Variants in CHRNB4 observed in about 807,000 individuals in gnomAD.
The protein encoded by CHRNB4 is neuronal acetylcholine receptor subunit beta-4.
A neutral mutation model predicts 40.4 loss-of-function variants in CHRNB4; 23 were observed. The observed-to-expected ratio is 0.57, with a 90% CI of 0.41 to 0.81. CHRNB4 has a LOEUF of 0.81. Ranked by LOEUF, CHRNB4 falls within the 30% of genes least tolerant of loss-of-function variation. The pLI is 0.00. For synonymous variants in CHRNB4, 285 were observed against 274.4 expected, an observed-to-expected ratio of 1.04 and a Z score of -0.38; for missense variants, 568 against 670.6, an observed-to-expected ratio of 0.85 and a Z score of 1.69.
intron 1 of CHRNB4, among the ~76,000 whole-genome samples, chr15:78,638,760 C>T (rs1297207843): frequency 6.6e-6 from 1 of 152,242 alleles, no homozygotes; most frequent in African/African-American, 2.4e-5. Context: ...TTCCAATCTA[C>T]TGAATGTCTG....
At chr15:78,652,608 T>C (rs2054182554) in exon 6 of CHRNB4, 1 of 152,230 alleles carries the variant, frequency 6.6e-6, no homozygotes, top group African/African-American at 2.4e-5. Flanking sequence ...CCTCTCTTCA[T>C]GCAGCAGATT....
intron 1 of CHRNB4, among the ~76,000 whole-genome samples, chr15:78,640,225 C>T (rs2041149422): frequency 6.6e-6 from 1 of 152,180 alleles, no homozygotes; most frequent in African/African-American, 2.4e-5. Context: ...CCCTGGTCCT[C>T]TAGGCTGACT....
chr15:78,629,648 G>A lies in CHRNB4; in HGVS notation c.657C>T (p.Tyr219=), dbSNP rs762292972. 15 of 1,614,016 alleles carry A rather than the reference G, an allele frequency of 9.3e-6. No individual in the cohort carries two copies. The highest frequency in any genetic ancestry group is 3.3e-5 in the South Asian group (3 of 91,080). The change falls in exon 5 of 6, where the codon TAC becomes TAT. Residue 219 remains tyrosine (Y), a synonymous_variant. Coordinates refer to ENST00000261751, the MANE Select transcript of CHRNB4 (RefSeq NM_000750.5). The surrounding 1 kb of genome is among the most constrained non-coding windows in gnomAD (Gnocchi z 6.8). ...TGATGAAGTCGTAAGTCACGTCCACGTAGCTGGGGTCTTGTGGGTTCACTG... is the reference window on the plus strand; with the variant it reads ...TGATGAAGTCGTAAGTCACGTCCACATAGCTGGGGTCTTGTGGGTTCACTG... ...RRTVNPQDPS[Y]VDVTYDFIIK...
chr15:78,657,715 G>A (rs1387063683), intron 2 of CHRNB4, among the ~76,000 whole-genome samples: 1 of 151,902 alleles, frequency 6.6e-6, no homozygotes, highest in Non-Finnish European at 1.5e-5. Context: ...CACCACGCCC[G>A]GCAATTTTTT....
intron 5 of CHRNB4, among the ~76,000 whole-genome samples, chr15:78,628,713 T>G (rs919318342): frequency 6.6e-6 from 1 of 152,168 alleles, no homozygotes; most frequent in Admixed American, 6.6e-5. Context: ...GTAAACCACC[T>G]GCACCCAAGT....
chr15:78,632,924 C>G (rs962487572), intron 2 of CHRNB4, among the ~76,000 whole-genome samples: 1 of 152,156 alleles, frequency 6.6e-6, no homozygotes, highest in Admixed American at 6.5e-5. Flanking sequence ...CCCAAATAAA[C>G]CTTCCAAAGT....
intron 2 of CHRNB4, among the ~76,000 whole-genome samples, chr15:78,633,826 C>T (rs1209099885): frequency 6.6e-6 from 1 of 150,794 alleles, no homozygotes; most frequent in African/African-American, 2.4e-5. Flanking sequence ...GACATCAAAA[C>T]AGGCAAGCCC....
At chr15:78,640,223 C>T (rs938578008) in intron 1 of CHRNB4, among the ~76,000 whole-genome samples, 9 of 152,218 alleles carry the variant, frequency 5.9e-5, no homozygotes, top group African/African-American at 2.2e-4. Flanking sequence ...AGCCCTGGTC[C>T]TCTAGGCTGA....
At chr15:78,657,710 C>T (rs373067917) in intron 2 of CHRNB4, among the ~76,000 whole-genome samples, 7 of 152,132 alleles carry the variant, frequency 4.6e-5, no homozygotes, top group South Asian at 4.2e-4. Flanking sequence ...CTCCCCACCA[C>T]GCCCGGCAAT....
At chr15:78,640,608 G>T (rs971890611) in intron 1 of CHRNB4, among the ~76,000 whole-genome samples, 4 of 152,226 alleles carry the variant, frequency 2.6e-5, no homozygotes, top group African/African-American at 9.6e-5. Flanking sequence ...AGGCTGAGCA[G>T]CAGATTCGCT....
chr15:78,657,867 A>G (rs1446908679), intron 2 of CHRNB4, among the ~76,000 whole-genome samples: 1 of 151,294 alleles, frequency 6.6e-6, no homozygotes, highest in Non-Finnish European at 1.5e-5. Context: ...ATCATAATTT[A>G]AATAAAGTTC....
At chr15:78,645,830 C>T (rs569014760), upstream of CHRNB4, among the ~76,000 whole-genome samples, 12 of 151,992 alleles carry the variant, frequency 7.9e-5, no homozygotes, top group East Asian at 1.9e-4. Context: ...GAGGCTGGGG[C>T]GGGTGGATAA....
chr15:78,659,929 G>A (rs1463897717), intron 1 of CHRNB4, among the ~76,000 whole-genome samples: 2 of 152,084 alleles, frequency 1.3e-5, no homozygotes, highest in African/African-American at 4.8e-5. Flanking sequence ...AGATGATGAT[G>A]GGTGCGGTGG....
chr15:78,647,665 T>C (rs1388525361), intron 7 of CHRNB4, among the ~76,000 whole-genome samples: 1 of 133,282 alleles, frequency 7.5e-6, no homozygotes, highest in East Asian at 2.1e-4. Context: ...GCTAACATGG[T>C]GAAACCCCGT....
At chr15:78,641,048 G>A (rs2054062204) in intron 1 of CHRNB4, 31 bp downstream of exon 1, 5 of 1,555,972 alleles carry the variant, frequency 3.2e-6, no homozygotes, top group East Asian at 2.4e-5. Flanking sequence ...CAACCCAGGC[G>A]CCCCTCCCTC....
At chr15:78,649,373 A>G in intron 7 of CHRNB4, 1 of 453,050 alleles carries the variant, frequency 2.2e-6, no homozygotes, top group South Asian at 1.6e-5. Context: ...ACTGTGGGAT[A>G]CTCACATAAT....
intron 1 of CHRNB4, among the ~76,000 whole-genome samples, chr15:78,636,965 G>A (rs1048741788): frequency 3.9e-5 from 6 of 152,156 alleles, no homozygotes; most frequent in Non-Finnish European, 5.9e-5. Flanking sequence ...AAATGGGTAC[G>A]AGGTGGTGCT....
upstream of CHRNB4, among the ~76,000 whole-genome samples, chr15:78,643,231 A>T (rs995539537): frequency 2.6e-5 from 4 of 151,872 alleles, no homozygotes; most frequent in African/African-American, 9.7e-5. Flanking sequence ...CAGAGTCAAC[A>T]TCAGATAATT....
chr15:78,629,063 C>T lies in CHRNB4; in HGVS notation c.1242G>A (p.Leu414=). 6.2e-7 allele frequency: 1 copy of T among 1,614,168 alleles called. No individual in the cohort carries two copies. ...TPVAIPRDFW[L]RSSGRFRQDV... is the part of the protein sequence containing the mutation. The stretch of plus-strand genomic sequence containing the variant: ...CCTGTCGGAACCTCCCAGAGGACCG[C>T]AGCCAGAAATCCCTGGGGATAGCCA... The change falls in exon 5 of 6, where the codon CTG becomes CTA. Residue 414 remains leucine, a synonymous_variant. Coordinates refer to ENST00000261751, the MANE Select transcript of CHRNB4 (RefSeq NM_000750.5). The surrounding 1 kb of genome is among the most constrained non-coding windows in gnomAD (Gnocchi z 6.8).
Sources: gnomAD v4.1 joint callset for allele counts (sites outside exome capture counted in the v4.1 genomes callset) on GRCh38, gnomAD v4.1.1 for gene constraint, Gnocchi (gnomAD v3.1) non-coding constraint, MANE v1.5 for transcripts, NCBI Gene and HGNC (gene_info 2026-07-23, HGNC 2026-07-21) for gene names.